KDM4B: variants seen among roughly 807,000 people sequenced by gnomAD.
The protein encoded by KDM4B is lysine-specific demethylase 4B.
A neutral mutation model predicts 125.2 loss-of-function variants in KDM4B; 32 were observed. That is an observed-to-expected ratio of 0.26 (90% CI 0.19 to 0.34). KDM4B has a LOEUF of 0.34. Ranked by LOEUF, KDM4B falls within the 10% of genes least tolerant of loss-of-function variation. The pLI, the probability that KDM4B is intolerant of heterozygous loss-of-function variation, is 1.00. For missense variants in KDM4B, 1,190 were observed against 1,577.7 expected (o/e 0.75, Z 4.16); for synonymous variants, 721 against 677.9 (o/e 1.06, Z -0.99).
intron 2 of KDM4B, among the ~76,000 whole-genome samples, chr19:5,024,076 T>A (rs1395380378): frequency 1.3e-5 from 2 of 152,144 alleles, no homozygotes; most frequent in Non-Finnish European, 2.9e-5. Context: ...CGATTCTTTG[T>A]CATCAGTTTC....
chr19:5,062,283 C>A (rs1366160127), intron 6 of KDM4B, among the ~76,000 whole-genome samples: 1 of 152,246 alleles, frequency 6.6e-6, no homozygotes, highest in African/African-American at 2.4e-5. Flanking sequence ...GGCACTTTTT[C>A]TAACATCTTT....
intron 9 of KDM4B, among the ~76,000 whole-genome samples, chr19:5,086,259 C>T (rs2038492160): frequency 6.6e-6 from 1 of 151,170 alleles, no homozygotes; most frequent in African/African-American, 2.4e-5. Flanking sequence ...TGAAAAGCCA[C>T]CCTCCTGCCC....
intron 11 of KDM4B, among the ~76,000 whole-genome samples, chr19:5,126,012 C>T (rs999469816): frequency 3.3e-5 from 5 of 152,208 alleles, no homozygotes; most frequent in Admixed American, 2.0e-4. Context: ...TTTCCTAAAG[C>T]GGTTTCTGGT....
chr19:5,025,893 A>AT (rs1487737379), intron 2 of KDM4B, among the ~76,000 whole-genome samples: 3 of 150,696 alleles, frequency 2.0e-5, no homozygotes, highest in Non-Finnish European at 4.4e-5. Flanking sequence ...TTACTTATTA[A>AT]TTTTTTTTGA....
intron 9 of KDM4B, among the ~76,000 whole-genome samples, chr19:5,099,532 G>A (rs2038891533): frequency 6.6e-6 from 1 of 152,240 alleles, no homozygotes; most frequent in African/African-American, 2.4e-5. Flanking sequence ...TTCCCAGAAT[G>A]GGGGTTAATC....
rs150351478 is a variant in KDM4B at position 4,980,163 on chromosome 19, C to T, written c.-109+10933C>T. 1.1e-4 allele frequency among the ~76,000 whole-genome samples: 17 copies of T among 152,234 alleles called. No individual in the cohort carries two copies. In the East Asian group the frequency reaches 3.1e-3, roughly 28 times the overall value. ...TACATTGACACAGTTGTGCAACCGT[C>T]ACCACTATCAAATGTTAGAACCTTT... is the stretch of plus-strand genomic sequence containing the variant. On this transcript the variant is annotated intron_variant, in intron 1 of 22. Coordinates refer to ENST00000159111, the MANE Select transcript of KDM4B (RefSeq NM_015015.3).
chr19:5,119,816 C>G lies in KDM4B; in HGVS notation c.1279C>G (p.Pro427Ala). Residue 427 changes from proline (P) to alanine (A), a missense_variant, in exon 11 of 23, where the codon CCA becomes GCA. Pro to Ala is a conservative substitution (Grantham distance 27, BLOSUM62 -1). This residue lies in a region of KDM4B where 428 missense variants were observed against 405.1 expected (regional missense o/e 1.06). Transcript: ENST00000159111. ...CGAGGAGGAGGAGGAGGAGCCGCAG[C>G]CACTGCCACACGGCCGGGAGGCCGA... ...DPEEEEEEPQ[P>A]LPHGREAEGA... 1 of 1,544,050 alleles carries G rather than the reference C, an allele frequency of 6.5e-7. No individual in the cohort carries two copies. The highest frequency in any genetic ancestry group is 8.7e-7 in the Non-Finnish European group (1 of 1,144,514).
At chr19:5,039,587 G>C (rs1215552370) in intron 3 of KDM4B, among the ~76,000 whole-genome samples, 1 of 152,162 alleles carries the variant, frequency 6.6e-6, no homozygotes, top group East Asian at 1.9e-4. Context: ...CCTGGTGCTG[G>C]GGGGGTGCTG....
chr19:5,111,486 T>C (rs755470289), intron 10 of KDM4B: 2 of 765,260 alleles, frequency 2.6e-6, no homozygotes, highest in Non-Finnish European at 4.8e-6. Flanking sequence ...CAAGAGGCCA[T>C]GGGGACACGG....
At chr19:5,105,627 GC>G (rs2039019949) in intron 9 of KDM4B, among the ~76,000 whole-genome samples, 1 of 152,166 alleles carries the variant, frequency 6.6e-6, no homozygotes, top group Non-Finnish European at 1.5e-5. Flanking sequence ...TGTGGAGACA[GC>G]GTCTTGCTAT....
chr19:5,095,163 G>A (rs531963300), intron 9 of KDM4B, among the ~76,000 whole-genome samples: 3 of 152,286 alleles, frequency 2.0e-5, no homozygotes, highest in Non-Finnish European at 2.9e-5. Flanking sequence ...GTCTGTCACC[G>A]TCGGCTGTAG....
At chr19:5,067,967 CAG>C (rs1334739184) in intron 6 of KDM4B, among the ~76,000 whole-genome samples, 8 of 152,220 alleles carry the variant, frequency 5.3e-5, no homozygotes, top group Non-Finnish European at 1.0e-4. Flanking sequence ...CTCCCCGTGT[CAG>C]TGGCCAATAA....
rs1379987452 is a variant in KDM4B, at chr19:5,040,011, A to C, written c.317A>C (p.Lys106Thr). 6.2e-7 allele frequency: 1 copy of C among 1,609,940 alleles called. No individual in the cohort carries two copies. The highest frequency in any genetic ancestry group is 1.7e-5 in the Admixed American group (1 of 59,914). Residue 106 changes from lysine (K) to threonine (T), a missense_variant and splice_region_variant, in exon 4 of 23, where the codon AAG (lysine) becomes ACG (threonine). Coordinates refer to ENST00000159111, the MANE Select transcript of KDM4B (RefSeq NM_015015.3). ...GEYRRLANSE[K>T]YCTPRHQDFD... is the part of the protein sequence containing the mutation. ...TACCGCCGCCTGGCCAACAGCGAGA[A>C]GTACGCGGGGCGGGCAGGGCGGACC...
chr19:5,003,991 G>A lies in KDM4B; in HGVS notation c.-108-12266G>A, dbSNP rs537836434. On this transcript the variant is annotated intron_variant, in intron 1 of 22. Transcript: ENST00000159111. ...AGAATGCTGTCTCCTGCCTGGGTGCGTCTGGCTCCCCTCTGCGCGTCCTGT... is the reference window on the plus strand; with the variant it reads ...AGAATGCTGTCTCCTGCCTGGGTGCATCTGGCTCCCCTCTGCGCGTCCTGT... 6.6e-5 allele frequency among the ~76,000 whole-genome samples: 10 copies of A among 152,264 alleles called. No homozygotes were observed. The South Asian group carries it at 1.7e-3, about 25-fold the overall frequency.
At chr19:5,025,067 A>G (rs1015437853) in intron 2 of KDM4B, among the ~76,000 whole-genome samples, 6 of 152,274 alleles carry the variant, frequency 3.9e-5, no homozygotes, top group Non-Finnish European at 7.3e-5. Context: ...TTGGGCCTCA[A>G]AATGAGTAGA....
At chr19:5,072,037 G>C (rs764341629) in intron 7 of KDM4B, among the ~76,000 whole-genome samples, 7 of 152,206 alleles carry the variant, frequency 4.6e-5, no homozygotes, top group Non-Finnish European at 8.8e-5. Context: ...CGCCCTTCAA[G>C]GACGGCGTCA....
At position 5,131,112 on chromosome 19, in the gene KDM4B, A is replaced by C. The variant is rs61763003; in HGVS notation, c.1352A>C (p.Lys451Thr). 73 of 1,524,372 alleles carry C rather than the reference A, an allele frequency of 4.8e-5. No individual in the cohort carries two copies. The highest frequency in any genetic ancestry group is 6.3e-5 in the Non-Finnish European group (72 of 1,135,436). The allele number at this position is 1,524,372 out of a possible 1,614,324, so 94.4% of individuals were successfully genotyped here. A position where few individuals can be genotyped will look rare whatever the true frequency, so the allele number is the denominator to read the frequency against. ...GRGKLRPTKA[K>T]SERKKKSFGL... ...GGCAAGCTGCGGCCAACCAAGGCCA[A>C]GAGCGAGCGGAAGAAGAAGAGCTTC... is the stretch of plus-strand genomic sequence containing the variant. The change falls in exon 12 of 23, where the codon AAG becomes ACG. Residue 451 changes from lysine (K) to threonine (T), a missense_variant. Physicochemically the swap from Lys to Thr is moderately conservative, Grantham distance 78. Around this residue, in one of 7 missense-constraint regions of KDM4B, gnomAD observed 428 missense variants for 405.1 expected, o/e 1.06. Transcript: ENST00000159111.
chr19:5,107,471 G>T (rs1475244895), intron 9 of KDM4B, among the ~76,000 whole-genome samples: 1 of 152,232 alleles, frequency 6.6e-6, no homozygotes, highest in African/African-American at 2.4e-5. Context: ...AGAGTGGGGA[G>T]CTAGACAGGG....
At chr19:5,119,594 A>G in intron 10 of KDM4B, 59 bp from the exon 11 acceptor site, 1 of 1,480,900 alleles carries the variant, frequency 6.8e-7, no homozygotes. Context: ...CAGAGTGCAC[A>G]GACCTAGGGC....
Sources: gnomAD v4.1 joint callset for allele counts (sites outside exome capture counted in the v4.1 genomes callset) on GRCh38, gnomAD v4.1.1 for gene constraint, gnomAD v4.1.1 regional missense constraint, MANE v1.5 for transcripts, NCBI Gene and HGNC (gene_info 2026-07-23, HGNC 2026-07-21) for gene names.